Variants in VTI1A observed in about 807,000 individuals in gnomAD.
VTI1A encodes the protein vesicle transport through interaction with t-SNAREs homolog 1A.
VTI1A carries 22 observed loss-of-function variants against 34.9 expected under a neutral mutation model. That is an observed-to-expected ratio of 0.63 (90% CI 0.45 to 0.90). The LOEUF is 0.90. Among genes scored for constraint, VTI1A ranks in the 40% least tolerant of loss-of-function variants. The pLI is 0.00. For synonymous variants in VTI1A, 87 were observed against 97.3 expected (o/e 0.89, Z 0.62); for missense variants, 268 against 275.6 (o/e 0.97, Z 0.20).
chr10:112,527,213 G>C, intron 4 of VTI1A, 49 bp downstream of exon 4: 1 of 1,550,372 alleles, frequency 6.5e-7, no homozygotes, highest in Non-Finnish European at 8.9e-7. Flanking sequence ...GGGTGAAGGA[G>C]GTCACTGGCG....
chr10:112,457,323 T>TA lies in VTI1A; in HGVS notation c.95-3200dup, dbSNP rs201702048. 6.9e-3 allele frequency among the ~76,000 whole-genome samples: 1,056 copies of TA among 152,336 alleles called. 14 individuals are homozygous for TA. Among genetic ancestry groups the TA allele is most frequent in the African/African-American group, 0.025 (1,027 of 41,556 alleles). Reference sequence around the variant, plus strand: ...TGTGTCCTGCATTATGTATTTAACTTACTTTCATTTTTTGAAAACTGATTG... The same window carrying TA: ...TGTGTCCTGCATTATGTATTTAACTTAACTTTCATTTTTTGAAAACTGATTG... On this transcript the variant is annotated intron_variant, in intron 1 of 7. Coordinates refer to ENST00000393077, the MANE Select transcript of VTI1A (RefSeq NM_145206.4).
At chr10:112,717,404 A>C (rs745307971) in intron 7 of VTI1A, among the ~76,000 whole-genome samples, 26 of 152,134 alleles carry the variant, frequency 1.7e-4, no homozygotes, top group Non-Finnish European at 3.4e-4. Context: ...TAGGAAAATC[A>C]GGGGTTGCTT....
chr10:112,475,759 T>G (rs190107810), intron 3 of VTI1A, among the ~76,000 whole-genome samples: 1 of 152,326 alleles, frequency 6.6e-6, no homozygotes, highest in African/African-American at 2.4e-5. Flanking sequence ...TTTGAGAGAT[T>G]AATTATAAAC....
chr10:112,778,457 G>A (rs992324812), intron 7 of VTI1A, among the ~76,000 whole-genome samples: 4 of 152,080 alleles, frequency 2.6e-5, no homozygotes, highest in East Asian at 1.9e-4. Flanking sequence ...CCACAACCCC[G>A]ATACCATCTG....
At chr10:112,641,755 T>A (rs142400810) in intron 5 of VTI1A, among the ~76,000 whole-genome samples, 1 of 152,370 alleles carries the variant, frequency 6.6e-6, no homozygotes, top group East Asian at 1.9e-4. Context: ...AGTTATGTTT[T>A]TTTATGCTGC....
the VTI1A span, among the ~76,000 whole-genome samples, chr10:112,834,549 A>G: frequency 6.6e-6 from 1 of 152,224 alleles, no homozygotes; most frequent in Non-Finnish European, 1.5e-5. Context: ...GGACAGTGCC[A>G]CCTGCCCTGG....
At chr10:112,746,909 T>C (rs1006132527) in intron 7 of VTI1A, among the ~76,000 whole-genome samples, 1 of 152,202 alleles carries the variant, frequency 6.6e-6, no homozygotes, top group African/African-American at 2.4e-5. Flanking sequence ...TTACAGTCCC[T>C]GGGCCAAGAA....
intron 3 of VTI1A, among the ~76,000 whole-genome samples, chr10:112,489,949 A>AAAT (rs1848764686): frequency 6.6e-6 from 1 of 152,226 alleles, no homozygotes; most frequent in African/African-American, 2.4e-5. Context: ...CTGGATTAGA[A>AAAT]AATTGAGCTG....
At chr10:112,544,289 G>C (rs1043810071) in intron 5 of VTI1A, among the ~76,000 whole-genome samples, 4 of 152,224 alleles carry the variant, frequency 2.6e-5, no homozygotes, top group Non-Finnish European at 5.9e-5. Flanking sequence ...GGAGTGCCAT[G>C]ATGCAATCTT....
chr10:112,581,090 C>T (rs959798064), intron 5 of VTI1A, among the ~76,000 whole-genome samples: 4 of 152,122 alleles, frequency 2.6e-5, no homozygotes, highest in Admixed American at 1.3e-4. Flanking sequence ...CAGTGGGCTC[C>T]GCATGCCTTC....
At chr10:112,521,242 A>AT (rs999474518) in intron 3 of VTI1A, among the ~76,000 whole-genome samples, 2 of 152,008 alleles carry the variant, frequency 1.3e-5, no homozygotes, top group African/African-American at 4.8e-5. Flanking sequence ...ATGCAGTAAA[A>AT]TTTTTTACTA....
intron 5 of VTI1A, among the ~76,000 whole-genome samples, chr10:112,612,878 C>A (rs1341489194): frequency 6.6e-6 from 1 of 152,130 alleles, no homozygotes; most frequent in Non-Finnish European, 1.5e-5. Context: ...TAATAGATAT[C>A]TACGCCTGCC....
chr10:112,752,422 G>C (rs552594673), intron 7 of VTI1A: 3 of 985,314 alleles, frequency 3.0e-6, no homozygotes, highest in Non-Finnish European at 2.4e-6. Flanking sequence ...CGGGGAGTCA[G>C]CTTCACCAGC....
intron 5 of VTI1A, among the ~76,000 whole-genome samples, chr10:112,569,246 G>A (rs1274225012): frequency 2.0e-5 from 3 of 151,966 alleles, no homozygotes; most frequent in Admixed American, 6.6e-5. Context: ...CTGAGAAGGC[G>A]GACAACTGTT....
chr10:112,657,577 C>G (rs138010913), intron 5 of VTI1A, among the ~76,000 whole-genome samples: 1,842 of 152,068 alleles, frequency 0.012, 32 homozygotes, highest in African/African-American at 0.042. Context: ...CCATCCCCTA[C>G]CTCACACATA....
At chr10:112,810,401 C>CAAAAAA (rs55966805) in intron 7 of VTI1A, among the ~76,000 whole-genome samples, 1 of 89,400 alleles carries the variant, frequency 1.1e-5, no homozygotes, top group Non-Finnish European at 2.3e-5. Flanking sequence ...GACTCCATCT[C>CAAAAAA]AAAAAAAAAA....
chr10:112,497,963 A>C (rs371137450), intron 3 of VTI1A, among the ~76,000 whole-genome samples: 2 of 152,230 alleles, frequency 1.3e-5, no homozygotes, highest in Admixed American at 6.5e-5. Context: ...ATAAGAAATC[A>C]TGCTGTTATT....
chr10:112,711,529 T>C (rs1484493486), intron 7 of VTI1A, among the ~76,000 whole-genome samples: 1 of 152,166 alleles, frequency 6.6e-6, no homozygotes, highest in Non-Finnish European at 1.5e-5. Flanking sequence ...ACATGCGCTG[T>C]CCCCGGGCCT....
rs543138407 is a variant in VTI1A at position 112,791,851 on chromosome 10, A to T, written c.561-23439A>T. Reference sequence around the variant, plus strand: ...AATATAACTTTTTTTTTTTTGCTTCAGTAGCCTCCTAAAATGTGAGGGAAA... The same window carrying T: ...AATATAACTTTTTTTTTTTTGCTTCTGTAGCCTCCTAAAATGTGAGGGAAA... On this transcript the variant is annotated intron_variant, in intron 7 of 7. Coordinates refer to ENST00000393077, the MANE Select transcript of VTI1A (RefSeq NM_145206.4). 2.1e-5 allele frequency among the ~76,000 whole-genome samples: 3 copies of T among 143,156 alleles called. No homozygotes were observed. In the East Asian group the frequency reaches 6.1e-4, roughly 29 times the overall value. 93.9% of individuals were successfully genotyped at this position (143,156 alleles called of 152,430 possible).
Sources: allele counts gnomAD v4.1 joint callset (sites outside exome capture counted in the v4.1 genomes callset), GRCh38; gene constraint gnomAD v4.1.1; transcripts MANE v1.5; gene names NCBI Gene and HGNC (gene_info 2026-07-23, HGNC 2026-07-21).